KCNJ1: variants seen among roughly 807,000 people sequenced by gnomAD.
The protein encoded by KCNJ1 is potassium inwardly rectifying channel subfamily J member 1.
Under a neutral mutation model 21.9 loss-of-function variants are expected in KCNJ1, and 24 were observed. The observed-to-expected ratio is 1.10, with a 90% CI of 0.79 to 1.54. The LOEUF (loss-of-function observed/expected upper bound fraction) is 1.54. Ranked by LOEUF, KCNJ1 falls within the 40% of genes most tolerant of loss-of-function variation. KCNJ1 has a pLI of 0.00. For synonymous variants in KCNJ1, 152 were observed against 160.9 expected (o/e 0.94, Z 0.42); for missense variants, 457 against 455.4 (o/e 1.00, Z -0.03).
chr11:128,858,731 C>G (rs906300544), intron 1 of KCNJ1, among the ~76,000 whole-genome samples: 15 of 152,206 alleles, frequency 9.9e-5, no homozygotes, highest in African/African-American at 3.6e-4. Context: ...GACAGCATTA[C>G]TATTCCCAGT....
At position 128,840,250 on chromosome 11, in the gene KCNJ1, T is replaced by A. The variant is rs1182691731; in HGVS notation, c.-7A>T. ...TCCGAAGATGTTTGAACATACTTTC[T>A]GTCAACACCCTGATCTGAAAACACA... is the stretch of plus-strand genomic sequence containing the variant. On this transcript the variant is annotated 5_prime_UTR_variant, in exon 3 of 3. Transcript: ENST00000392666. The A allele has an allele frequency of 3.1e-6, 5 of 1,614,084 alleles. No individual in the cohort carries two copies. The highest frequency in any genetic ancestry group is 4.2e-6 in the Non-Finnish European group (5 of 1,180,040).
intron 2 of KCNJ1, among the ~76,000 whole-genome samples, chr11:128,848,930 C>T (rs1002268612): frequency 3.3e-5 from 5 of 152,056 alleles, no homozygotes; most frequent in African/African-American, 1.2e-4. Flanking sequence ...GTGGAATGGC[C>T]ATTAAGGCGG....
At chr11:128,857,150 C>G (rs943496551) in intron 1 of KCNJ1, among the ~76,000 whole-genome samples, 1 of 152,156 alleles carries the variant, frequency 6.6e-6, no homozygotes, top group South Asian at 2.1e-4. Flanking sequence ...CTGCTGCTTC[C>G]TCCTTCAGGG....
At chr11:128,842,325 G>C (rs1181507082) in intron 2 of KCNJ1, 7 of 1,588,006 alleles carry the variant, frequency 4.4e-6, no homozygotes, top group Non-Finnish European at 5.2e-6. Context: ...CTGCATTAAT[G>C]ATGAAACATT....
At chr11:128,842,585 G>A in intron 2 of KCNJ1, 1 of 1,431,298 alleles carries the variant, frequency 7.0e-7, no homozygotes. Context: ...TTAAACCAAG[G>A]CAATTGGTTG....
intron 1 of KCNJ1, 105 bp from the exon 2 acceptor site, chr11:128,850,995 C>G (rs375125932): frequency 2.1e-6 from 1 of 468,124 alleles, no homozygotes. Context: ...CACACAGGAC[C>G]CTCCACATCA....
chr11:128,864,019 A>C (rs1436870635), intron 1 of KCNJ1, among the ~76,000 whole-genome samples: 5 of 150,096 alleles, frequency 3.3e-5, no homozygotes, highest in Non-Finnish European at 5.9e-5. Flanking sequence ...AGGTAACTTA[A>C]GGTTTGACCT....
chr11:128,865,062 G>C (rs1283074566), intron 1 of KCNJ1, among the ~76,000 whole-genome samples: 1 of 151,956 alleles, frequency 6.6e-6, no homozygotes, highest in Non-Finnish European at 1.5e-5. Context: ...AGCCACACCA[G>C]CCTGGTATTC....
At chr11:128,850,134 C>T (rs1943457779) in intron 2 of KCNJ1, among the ~76,000 whole-genome samples, 1 of 152,144 alleles carries the variant, frequency 6.6e-6, no homozygotes, top group African/African-American at 2.4e-5. Context: ...CCTACATCAC[C>T]TGCTATTTCC....
intron 1 of KCNJ1, among the ~76,000 whole-genome samples, chr11:128,866,226 C>T (rs1043345555): frequency 1.8e-4 from 28 of 152,306 alleles, no homozygotes; most frequent in Admixed American, 3.3e-4. Context: ...AAGATTCTAA[C>T]TGCCCTCCAG....
chr11:128,865,604 C>T (rs1056069902), intron 1 of KCNJ1, among the ~76,000 whole-genome samples: 4 of 152,064 alleles, frequency 2.6e-5, no homozygotes, highest in Non-Finnish European at 4.4e-5. Flanking sequence ...GATCAAACTG[C>T]CAGGCCAGAA....
At chr11:128,857,370 A>G (rs980489706) in intron 1 of KCNJ1, among the ~76,000 whole-genome samples, 5 of 151,942 alleles carry the variant, frequency 3.3e-5, no homozygotes, top group Non-Finnish European at 7.4e-5. Flanking sequence ...TGATGCATTC[A>G]CTTATTGTCG....
At chr11:128,860,386 T>C (rs977792197) in intron 1 of KCNJ1, among the ~76,000 whole-genome samples, 2 of 152,210 alleles carry the variant, frequency 1.3e-5, no homozygotes, top group African/African-American at 4.8e-5. Context: ...GACCGTCTGA[T>C]ATAAGTGCGT....
At chr11:128,849,960 A>G (rs966125338) in intron 2 of KCNJ1, among the ~76,000 whole-genome samples, 1 of 152,132 alleles carries the variant, frequency 6.6e-6, no homozygotes, top group Non-Finnish European at 1.5e-5. Context: ...AGCCAGCCCC[A>G]TACACTCACT....
intron 1 of KCNJ1, among the ~76,000 whole-genome samples, chr11:128,864,748 C>T (rs1170357569): frequency 6.6e-6 from 1 of 152,080 alleles, no homozygotes; most frequent in Non-Finnish European, 1.5e-5. Context: ...GAGTCTCTGG[C>T]TCCTGTTTCA....
chr11:128,840,245 C>A lies in KCNJ1; in HGVS notation c.-2G>T. ...CCATTTCCGAAGATGTTTGAACATA[C>A]TTTCTGTCAACACCCTGATCTGAAA... is the stretch of plus-strand genomic sequence containing the variant. On this transcript the variant is annotated 5_prime_UTR_variant, in exon 3 of 3. Coordinates refer to ENST00000392666, the MANE Select transcript of KCNJ1 (RefSeq NM_153766.3). The A allele has an allele frequency of 1.9e-6, 3 of 1,614,130 alleles. No individual in the cohort carries two copies. Among genetic ancestry groups the A allele is most frequent in the Non-Finnish European group, 2.5e-6 (3 of 1,180,008 alleles).
intron 1 of KCNJ1, among the ~76,000 whole-genome samples, chr11:128,854,835 T>C (rs752753096): frequency 2.0e-5 from 3 of 152,218 alleles, no homozygotes; most frequent in Non-Finnish European, 4.4e-5. Context: ...CTAGATCTTC[T>C]TAAGTATCAT....
chr11:128,853,040 T>C (rs937493072), intron 1 of KCNJ1, among the ~76,000 whole-genome samples: 11 of 152,248 alleles, frequency 7.2e-5, no homozygotes, highest in African/African-American at 2.7e-4. Flanking sequence ...CCACTTTATT[T>C]CCACTTATTT....
chr11:128,857,766 C>T (rs1368344883), intron 1 of KCNJ1, among the ~76,000 whole-genome samples: 1 of 152,168 alleles, frequency 6.6e-6, no homozygotes, highest in Non-Finnish European at 1.5e-5. Context: ...GGACGAGTGC[C>T]TGTGCAATGG....
Sources: gnomAD v4.1 joint callset for allele counts (sites outside exome capture counted in the v4.1 genomes callset) on GRCh38, gnomAD v4.1.1 for gene constraint, MANE v1.5 for transcripts, NCBI Gene and HGNC (gene_info 2026-07-23, HGNC 2026-07-21) for gene names.